The following GPC5 variants were observed in gnomAD, a reference collection of about 807,000 sequenced individuals.
GPC5 encodes the protein glypican-5.
Under a neutral mutation model 53.9 loss-of-function variants are expected in GPC5, and 47 were observed. The observed-to-expected ratio is 0.87, with a 90% CI of 0.69 to 1.11. The LOEUF (loss-of-function observed/expected upper bound fraction) is 1.11, where lower values mean the gene tolerates loss of function less well. Ranked by LOEUF, GPC5 falls within the 50% of genes most tolerant of loss-of-function variation. The probability of loss-of-function intolerance (pLI) is 0.00; values close to 1 mark genes in which losing one functional copy is unlikely to be tolerated. For missense variants in GPC5, 748 were observed against 713.1 expected (o/e 1.05, Z -0.56); for synonymous variants, 286 against 263.3 (o/e 1.09, Z -0.84).
chr13:92,377,850 C>T lies in GPC5; in HGVS notation c.1561+232861C>T, dbSNP rs189794757. 6.2e-3 allele frequency among the ~76,000 whole-genome samples: 947 copies of T among 152,110 alleles called. 13 individuals carry two copies. Among genetic ancestry groups the T allele is most frequent in the Non-Finnish European group, 5.4e-3 (367 of 68,006 alleles). The stretch of plus-strand genomic sequence containing the variant: ...GTCATAATAATTGTATGTGAATATA[C>T]GCATATATTCACATGTATATGTATG... On this transcript the variant is annotated intron_variant, in intron 7 of 7. Transcript: ENST00000377067.
At chr13:92,797,061 C>G (rs1037682328) in intron 7 of GPC5, among the ~76,000 whole-genome samples, 1 of 151,862 alleles carries the variant, frequency 6.6e-6, no homozygotes, top group East Asian at 1.9e-4. Flanking sequence ...AGAGCTAACC[C>G]GTACGGTGCA....
At chr13:92,499,820 T>C (rs566749164) in intron 7 of GPC5, among the ~76,000 whole-genome samples, 1 of 152,298 alleles carries the variant, frequency 6.6e-6, no homozygotes, top group African/African-American at 2.4e-5. Flanking sequence ...AAGATCAGGC[T>C]AAGTCTTCAT....
chr13:92,503,842 A>C (rs1018860262), intron 7 of GPC5, among the ~76,000 whole-genome samples: 1 of 151,938 alleles, frequency 6.6e-6, no homozygotes, highest in East Asian at 1.9e-4. Flanking sequence ...CATCATGTTC[A>C]TATAACTATT....
At chr13:92,093,723 G>A (rs2041399235) in intron 6 of GPC5, among the ~76,000 whole-genome samples, 4 of 152,180 alleles carry the variant, frequency 2.6e-5, no homozygotes, top group Non-Finnish European at 2.9e-5. Context: ...AAGACCCAGT[G>A]TATGCCAACA....
At chr13:92,461,202 A>G (rs1001534520) in intron 7 of GPC5, among the ~76,000 whole-genome samples, 1 of 152,228 alleles carries the variant, frequency 6.6e-6, no homozygotes, top group Non-Finnish European at 1.5e-5. Context: ...TACAAAAAGG[A>G]AAATTGGATA....
intron 6 of GPC5, among the ~76,000 whole-genome samples, chr13:92,074,396 T>G (rs528486990): frequency 7.0e-4 from 106 of 152,248 alleles, no homozygotes; most frequent in African/African-American, 2.4e-3. Flanking sequence ...GAGACAGACG[T>G]GAATTGATAG....
At chr13:92,800,732 T>G (rs1408582383) in intron 7 of GPC5, among the ~76,000 whole-genome samples, 1 of 151,880 alleles carries the variant, frequency 6.6e-6, no homozygotes, top group African/African-American at 2.4e-5. Context: ...AATGAATGGT[T>G]TCTTCATTGA....
chr13:92,117,993 G>C (rs1409794021), intron 6 of GPC5, among the ~76,000 whole-genome samples: 1 of 152,210 alleles, frequency 6.6e-6, no homozygotes, highest in Admixed American at 6.5e-5. Context: ...TTGAATATAA[G>C]TGGTAGAAGA....
intron 7 of GPC5, among the ~76,000 whole-genome samples, chr13:92,259,134 T>G (rs1035110169): frequency 5.3e-5 from 8 of 152,198 alleles, no homozygotes; most frequent in Non-Finnish European, 1.5e-5. Flanking sequence ...ATTACTATCT[T>G]AAGCTGAATT....
chr13:92,302,328 T>C (rs1441255199), intron 7 of GPC5, among the ~76,000 whole-genome samples: 1 of 152,202 alleles, frequency 6.6e-6, no homozygotes, highest in Non-Finnish European at 1.5e-5. Context: ...TTTAAAGTGA[T>C]TCTATGCACG....
intron 6 of GPC5, among the ~76,000 whole-genome samples, chr13:92,008,475 A>C (rs186159175): frequency 6.7e-6 from 1 of 148,884 alleles, no homozygotes; most frequent in African/African-American, 2.5e-5. Flanking sequence ...GCATCTCTTT[A>C]TGGGTTTTTT....
chr13:91,827,271 A>AAT (rs2038589960), intron 5 of GPC5, among the ~76,000 whole-genome samples: 2 of 151,986 alleles, frequency 1.3e-5, no homozygotes, highest in Admixed American at 1.3e-4. Flanking sequence ...AGAATACAAA[A>AAT]ATATATCTTC....
chr13:92,727,490 C>A (rs1159880522), intron 7 of GPC5, among the ~76,000 whole-genome samples: 1 of 151,338 alleles, frequency 6.6e-6, no homozygotes, highest in African/African-American at 2.4e-5. Context: ...GAAATCAAGC[C>A]TGCTTTCCAA....
intron 3 of GPC5, among the ~76,000 whole-genome samples, chr13:91,698,112 A>G (rs2035920950): frequency 6.6e-6 from 1 of 152,060 alleles, no homozygotes; most frequent in Non-Finnish European, 1.5e-5. Context: ...CATGTTGGCC[A>G]GGTTGGTCTC....
intron 7 of GPC5, among the ~76,000 whole-genome samples, chr13:92,609,758 A>C (rs1360468845): frequency 1.3e-5 from 2 of 152,176 alleles, no homozygotes; most frequent in East Asian, 3.9e-4. Flanking sequence ...TCAGGCCGGC[A>C]TGTTGGCTCA....
intron 6 of GPC5, among the ~76,000 whole-genome samples, chr13:92,010,317 G>A (rs192408520): frequency 2.0e-4 from 30 of 152,172 alleles, no homozygotes; most frequent in African/African-American, 6.3e-4. Context: ...GTTTTTGCTC[G>A]TTTTATTTAT....
intron 7 of GPC5, among the ~76,000 whole-genome samples, chr13:92,197,384 C>T (rs2042264408): frequency 6.6e-6 from 1 of 152,040 alleles, no homozygotes; most frequent in Non-Finnish European, 1.5e-5. Flanking sequence ...CTATATTGAT[C>T]GCTGTAGGTA....
chr13:91,760,689 G>C (rs766581380), intron 5 of GPC5, among the ~76,000 whole-genome samples: 2 of 152,116 alleles, frequency 1.3e-5, no homozygotes, highest in African/African-American at 2.4e-5. Context: ...TGTGTGCACA[G>C]ACATTCTTCA....
At chr13:92,441,670 G>T (rs1361459238) in intron 7 of GPC5, among the ~76,000 whole-genome samples, 1 of 152,136 alleles carries the variant, frequency 6.6e-6, no homozygotes, top group Non-Finnish European at 1.5e-5. Flanking sequence ...AAACACTGCT[G>T]AAAGAAGTCA....
Sources: allele counts gnomAD v4.1 joint callset (sites outside exome capture counted in the v4.1 genomes callset), GRCh38; gene constraint gnomAD v4.1.1; transcripts MANE v1.5; gene names NCBI Gene and HGNC (gene_info 2026-07-23, HGNC 2026-07-21).